The following FRMD4A variants were observed in gnomAD, a reference collection of about 807,000 sequenced individuals.
FRMD4A encodes FERM domain-containing protein 4A.
In FRMD4A, 29 loss-of-function variants were observed where a neutral mutation model predicts 129.1. The ratio of observed to expected loss-of-function variants is 0.22; its 90% confidence interval spans 0.17 to 0.31. FRMD4A has a LOEUF of 0.31. Ranked by LOEUF, FRMD4A falls within the 10% of genes least tolerant of loss-of-function variation. FRMD4A has a pLI of 1.00. For missense variants in FRMD4A, 1,272 were observed against 1,375.8 expected (o/e 0.92, Z 1.19); for synonymous variants, 634 against 571.6 (o/e 1.11, Z -1.56).
rs186457805 is a variant in FRMD4A at position 14,260,510 on chromosome 10, C to T, written c.45+69548G>A. Among the ~76,000 whole-genome samples, 6 of 152,306 alleles carry T rather than the reference C, an allele frequency of 3.9e-5. No homozygotes were observed. In the East Asian group the frequency reaches 1.2e-3, roughly 29 times the overall value. On this transcript the variant is annotated intron_variant, in intron 2 of 24. Transcript: ENST00000357447. ...AAAGGCATATAAGTCATCCTACATG[C>T]TCATTAAATCACAAGTAAAGAGTGT...
chr10:13,739,880 A>C (rs1444546362), intron 11 of FRMD4A, among the ~76,000 whole-genome samples: 1 of 152,232 alleles, frequency 6.6e-6, no homozygotes, highest in Non-Finnish European at 1.5e-5. Context: ...CAGGCAGATC[A>C]CCTGAGGTCA....
At position 13,837,866 on chromosome 10, in the gene FRMD4A, C is replaced by G. The variant is rs2093900364; in HGVS notation, c.111+20981G>C. Among the ~76,000 whole-genome samples the G allele has an allele frequency of 1.3e-5, 2 of 152,218 alleles. 1 individual carries two copies. Among genetic ancestry groups the G allele is most frequent in the South Asian group, 4.1e-4 (2 of 4,826 alleles). Reference sequence around the variant, plus strand: ...TATCTTCCCTTCATTTCCTCACTCTCTTCTTCCTGCTTCCTGTTCTGATGA... The same window carrying G: ...TATCTTCCCTTCATTTCCTCACTCTGTTCTTCCTGCTTCCTGTTCTGATGA... On this transcript the variant is annotated intron_variant, in intron 3 of 24. Transcript: ENST00000357447.
intron 6 of FRMD4A, among the ~76,000 whole-genome samples, chr10:13,772,413 A>G (rs2092483972): frequency 1.3e-5 from 2 of 151,944 alleles, no homozygotes; most frequent in African/African-American, 4.8e-5. Context: ...AAATTTCTCA[A>G]TTTCTGTGGC....
chr10:14,239,282 C>A (rs1843943929), intron 2 of FRMD4A, among the ~76,000 whole-genome samples: 1 of 152,160 alleles, frequency 6.6e-6, no homozygotes, highest in Non-Finnish European at 1.5e-5. Context: ...ATTAAAAGTG[C>A]CTTTTAAATT....
chr10:13,988,700 A>C (rs2095591634), intron 2 of FRMD4A, among the ~76,000 whole-genome samples: 1 of 152,200 alleles, frequency 6.6e-6, no homozygotes, highest in South Asian at 2.1e-4. Context: ...AGTTGAACAG[A>C]TGGATGGATA....
chr10:13,892,436 C>T (rs1397159566), intron 2 of FRMD4A, among the ~76,000 whole-genome samples: 3 of 152,080 alleles, frequency 2.0e-5, no homozygotes, highest in Non-Finnish European at 4.4e-5. Flanking sequence ...TTGCGAGAGA[C>T]CCGGGGTAGG....
At chr10:13,968,733 C>T (rs1048921900) in intron 2 of FRMD4A, among the ~76,000 whole-genome samples, 10 of 152,200 alleles carry the variant, frequency 6.6e-5, no homozygotes, top group African/African-American at 1.7e-4. Context: ...GGATTACAGG[C>T]GTGAGCCACT....
At chr10:13,970,373 C>T (rs763437202) in intron 2 of FRMD4A, among the ~76,000 whole-genome samples, 22 of 152,134 alleles carry the variant, frequency 1.4e-4, no homozygotes, top group Admixed American at 3.9e-4. Context: ...AACCCGACAC[C>T]CTTGGGCACA....
At chr10:13,718,449 G>T (rs2089084857) in intron 12 of FRMD4A, among the ~76,000 whole-genome samples, 1 of 152,256 alleles carries the variant, frequency 6.6e-6, no homozygotes, top group Admixed American at 6.5e-5. Flanking sequence ...CATGCAGGGG[G>T]CTGCGGCTGG....
At chr10:13,723,573 T>C (rs919136831) in intron 12 of FRMD4A, among the ~76,000 whole-genome samples, 8 of 152,250 alleles carry the variant, frequency 5.3e-5, no homozygotes, top group African/African-American at 1.7e-4. Flanking sequence ...AAAATGGTTA[T>C]GATGGTAGAT....
At chr10:14,196,238 A>G (rs1018060232) in intron 2 of FRMD4A, among the ~76,000 whole-genome samples, 3 of 152,150 alleles carry the variant, frequency 2.0e-5, no homozygotes, top group East Asian at 1.9e-4. Flanking sequence ...CATTACTAGA[A>G]GGCTGAGAGC....
At chr10:13,943,050 T>C (rs1249264446) in intron 2 of FRMD4A, among the ~76,000 whole-genome samples, 2 of 152,348 alleles carry the variant, frequency 1.3e-5, no homozygotes, top group South Asian at 2.1e-4. Flanking sequence ...AGGTGGTTCA[T>C]AGATTATAAA....
chr10:13,992,668 T>G (rs2095607367), intron 2 of FRMD4A, among the ~76,000 whole-genome samples: 1 of 152,096 alleles, frequency 6.6e-6, no homozygotes, highest in African/African-American at 2.4e-5. Flanking sequence ...AAAGATCTAG[T>G]GTAGGCCAGG....
chr10:14,041,372 T>C (rs2131674863), intron 2 of FRMD4A, among the ~76,000 whole-genome samples: 1 of 152,364 alleles, frequency 6.6e-6, no homozygotes, highest in Non-Finnish European at 1.5e-5. Context: ...ATTTCAACAT[T>C]TTTATTTTAC....
At chr10:14,008,334 CAGG>C (rs1408434872) in intron 2 of FRMD4A, 1 of 1,028,994 alleles carries the variant, frequency 9.7e-7, no homozygotes, top group Non-Finnish European at 1.2e-6. Flanking sequence ...TGTGGTTTGT[CAGG>C]AGGAGGGGGG....
intron 2 of FRMD4A, among the ~76,000 whole-genome samples, chr10:14,003,015 TC>T (rs200180571): frequency 0.011 from 1,749 of 152,226 alleles, 19 homozygotes; most frequent in Admixed American, 0.022. Flanking sequence ...TTGTGATTTG[TC>T]CTTATCCTGA....
At chr10:14,223,147 T>C (rs1307817361) in intron 2 of FRMD4A, among the ~76,000 whole-genome samples, 2 of 152,178 alleles carry the variant, frequency 1.3e-5, no homozygotes, top group Non-Finnish European at 2.9e-5. Context: ...GCCACTGGCC[T>C]AGTGATTCTC....
intron 2 of FRMD4A, among the ~76,000 whole-genome samples, chr10:14,053,681 C>A (rs1834369194): frequency 6.6e-6 from 1 of 152,122 alleles, no homozygotes; most frequent in Admixed American, 6.5e-5. Flanking sequence ...AGGAAGGTTA[C>A]ACTTGCTTTG....
At chr10:13,861,533 A>T (rs183104556) in intron 2 of FRMD4A, among the ~76,000 whole-genome samples, 5 of 152,240 alleles carry the variant, frequency 3.3e-5, no homozygotes, top group Non-Finnish European at 5.9e-5. Context: ...GAGAAAAATC[A>T]AGAAAAGTTT....
Sources: allele counts gnomAD v4.1 joint callset (sites outside exome capture counted in the v4.1 genomes callset), GRCh38; gene constraint gnomAD v4.1.1; transcripts MANE v1.5; gene names NCBI Gene and HGNC (gene_info 2026-07-23, HGNC 2026-07-21).